PCDHA12: variants seen among roughly 807,000 people sequenced by gnomAD.
PCDHA12 encodes protocadherin alpha-12.
In PCDHA12, 44 loss-of-function variants were observed where a neutral mutation model predicts 60.0. That is an observed-to-expected ratio of 0.73 (90% confidence interval 0.58 to 0.94). The LOEUF (loss-of-function observed/expected upper bound fraction) is 0.94, where lower values mean the gene tolerates loss of function less well. Among genes scored for constraint, PCDHA12 ranks in the 40% least tolerant of loss-of-function variants. PCDHA12 has a pLI of 0.00. For missense variants in PCDHA12, 1,276 were observed against 1,239.7 expected (o/e 1.03, Z -0.44); for synonymous variants, 569 against 553.0 (o/e 1.03, Z -0.40).
chr5:140,967,100 G>A, intron 1 of PCDHA12: 1 of 1,613,092 alleles, frequency 6.2e-7, no homozygotes, highest in Non-Finnish European at 8.5e-7. Context: ...GGCGCTGTGT[G>A]AGCAGCGGCC....
chr5:140,966,651 C>A, intron 1 of PCDHA12: 1 of 1,159,980 alleles, frequency 8.6e-7, no homozygotes, highest in Non-Finnish European at 1.1e-6. Flanking sequence ...AGAGCGTGAG[C>A]GGTGGGGGAG....
Position 140,876,699 on chromosome 5 carries a change from G to A in PCDHA12, c.1227G>A (p.Leu409=). 1 of 1,614,228 alleles carries A rather than the reference G, an allele frequency of 6.2e-7. No homozygotes were observed. The highest frequency in any genetic ancestry group is 8.5e-7 in the Non-Finnish European group (1 of 1,180,042). The part of the protein sequence containing the change: ...STYKNYYSLV[L]DSALDRESVS... ...ACAAGAATTACTACTCGTTGGTGCT[G>A]GACAGCGCCCTGGACCGCGAGAGCG... The change falls in exon 1 of 4, where the codon CTG becomes CTA. Residue 409 remains leucine (L), a synonymous_variant. Transcript: ENST00000398631.
chr5:140,905,043 A>G (rs782694794), intron 1 of PCDHA12, among the ~76,000 whole-genome samples: 1 of 152,244 alleles, frequency 6.6e-6, no homozygotes, highest in East Asian at 1.9e-4. Flanking sequence ...TAGTTTAATT[A>G]GGTCCCATTT....
intron 3 of PCDHA12, among the ~76,000 whole-genome samples, chr5:140,988,254 T>G (rs910037234): frequency 6.6e-6 from 1 of 152,188 alleles, no homozygotes; most frequent in East Asian, 1.9e-4. Context: ...AGCTCCCGCC[T>G]GTGAGTATCC....
chr5:140,997,958 G>A (rs890356748), intron 3 of PCDHA12, among the ~76,000 whole-genome samples: 3 of 152,126 alleles, frequency 2.0e-5, no homozygotes, highest in Non-Finnish European at 2.9e-5. Context: ...TGGCATTCAC[G>A]TACCTGTGGT....
intron 1 of PCDHA12, among the ~76,000 whole-genome samples, chr5:140,902,823 G>A (rs182466889): frequency 1.6e-3 from 246 of 151,864 alleles, no homozygotes; most frequent in Non-Finnish European, 2.9e-3. Flanking sequence ...TTTGGTTTTC[G>A]ATTTCTGAGT....
At chr5:140,946,059 G>T (rs979423479) in intron 1 of PCDHA12, among the ~76,000 whole-genome samples, 4 of 152,038 alleles carry the variant, frequency 2.6e-5, no homozygotes, top group Non-Finnish European at 4.4e-5. Flanking sequence ...CAGAATGGGA[G>T]AAAATATTTG....
Position 140,906,732 on chromosome 5 carries a change from T to G in PCDHA12, c.2367+28893T>G, listed in dbSNP as rs535007647. On this transcript the variant is annotated intron_variant, in intron 1 of 3. Coordinates refer to ENST00000398631, the MANE Select transcript of PCDHA12 (RefSeq NM_018903.4). ...CTGCCTGGATTGTGCTGTTGTAGTT[T>G]CCCATTGACACAGGGCATGGTAATA... Among the ~76,000 whole-genome samples, 14 of 152,296 alleles carry G rather than the reference T, an allele frequency of 9.2e-5. No individual in the cohort carries two copies. The South Asian group carries it at 2.7e-3, about 29-fold the overall frequency.
chr5:140,917,327 G>C (rs1219338384), intron 1 of PCDHA12, among the ~76,000 whole-genome samples: 1 of 149,420 alleles, frequency 6.7e-6, no homozygotes, highest in African/African-American at 2.5e-5. Flanking sequence ...CATGTGGCGG[G>C]GGAGGGGGGG....
intron 1 of PCDHA12, among the ~76,000 whole-genome samples, chr5:140,892,759 T>C (rs1422670120): frequency 2.0e-5 from 3 of 152,206 alleles, no homozygotes; most frequent in African/African-American, 4.8e-5. Context: ...ACATTTAAAA[T>C]CCACTCTTCT....
At chr5:140,906,609 T>C (rs376857630) in intron 1 of PCDHA12, among the ~76,000 whole-genome samples, 2 of 152,348 alleles carry the variant, frequency 1.3e-5, no homozygotes, top group East Asian at 3.9e-4. Flanking sequence ...TCATTCTGTA[T>C]TCCCTTTGCC....
At chr5:140,915,535 A>G (rs1482564103) in intron 1 of PCDHA12, among the ~76,000 whole-genome samples, 1 of 152,002 alleles carries the variant, frequency 6.6e-6, no homozygotes, top group African/African-American at 2.4e-5. Context: ...ACCATCTTGG[A>G]GGTCTTGAAT....
chr5:141,007,133 G>A (rs1588151080), intron 3 of PCDHA12, among the ~76,000 whole-genome samples: 1 of 152,128 alleles, frequency 6.6e-6, no homozygotes, highest in South Asian at 2.1e-4. Flanking sequence ...CAGATGAGGA[G>A]ACTGACAAAG....
intron 1 of PCDHA12, among the ~76,000 whole-genome samples, chr5:140,878,373 T>G (rs944129613): frequency 2.2e-4 from 34 of 152,258 alleles, no homozygotes; most frequent in African/African-American, 8.0e-4. Flanking sequence ...TGACATATGA[T>G]GAATGATTTT....
At chr5:141,003,616 G>A (rs1360535833) in intron 3 of PCDHA12, among the ~76,000 whole-genome samples, 1 of 152,132 alleles carries the variant, frequency 6.6e-6, no homozygotes, top group African/African-American at 2.4e-5. Flanking sequence ...CCCGGCCCCA[G>A]AGGGCAGTTT....
rs781941183 is a variant in PCDHA12, at chr5:140,884,613, C to T, written c.2367+6774C>T. On this transcript the variant is annotated intron_variant, in intron 1 of 3. Transcript: ENST00000398631. ...CCCAGCCTTCCTCCTTGTCTGGGTT[C>T]TGCAGAGGGAACAGGCCAGAGGGAG... 3 of 1,614,086 alleles carry T rather than the reference C, an allele frequency of 1.9e-6. No individual in the cohort carries two copies. The South Asian group carries it at 3.3e-5, about 18-fold the overall frequency.
At chr5:140,918,331 G>A (rs1429617568) in intron 1 of PCDHA12, among the ~76,000 whole-genome samples, 1 of 152,114 alleles carries the variant, frequency 6.6e-6, no homozygotes, top group Non-Finnish European at 1.5e-5. Context: ...TATATTGTCT[G>A]CTAAGAGAGA....
At chr5:140,919,488 T>C (rs149191060) in intron 1 of PCDHA12, among the ~76,000 whole-genome samples, 58 of 152,320 alleles carry the variant, frequency 3.8e-4, no homozygotes, top group African/African-American at 1.3e-3. Context: ...TTTATGTTTG[T>C]TATTTTACTC....
intron 1 of PCDHA12, among the ~76,000 whole-genome samples, chr5:140,950,430 A>T (rs1312660380): frequency 6.6e-6 from 1 of 151,876 alleles, no homozygotes; most frequent in Admixed American, 6.6e-5. Context: ...TCTTCCACTT[A>T]AAAAAAATGT....
Sources: allele counts gnomAD v4.1 joint callset (sites outside exome capture counted in the v4.1 genomes callset), GRCh38; gene constraint gnomAD v4.1.1; transcripts MANE v1.5; gene names NCBI Gene and HGNC (gene_info 2026-07-23, HGNC 2026-07-21).